Variants in APBB2 observed in about 807,000 individuals in gnomAD.
The protein encoded by APBB2 is Fe65-like 1.
APBB2 carries 38 observed loss-of-function variants against 82.5 expected under a neutral mutation model. The observed-to-expected ratio is 0.46, with a 90% CI of 0.36 to 0.60. The LOEUF (loss-of-function observed/expected upper bound fraction) is 0.60, where lower values mean the gene tolerates loss of function less well. APBB2 is among the 20% of genes least tolerant of loss of function. The probability of loss-of-function intolerance (pLI) is 0.00; values close to 1 mark genes in which losing one functional copy is unlikely to be tolerated. For synonymous variants in APBB2, 341 were observed against 368.2 expected, an observed-to-expected ratio of 0.93 and a Z score of 0.85; for missense variants, 772 against 972.3, an observed-to-expected ratio of 0.79 and a Z score of 2.74.
chr4:40,977,881 A>G (rs1168741185), intron 6 of APBB2, among the ~76,000 whole-genome samples: 2 of 152,346 alleles, frequency 1.3e-5, no homozygotes, highest in South Asian at 2.1e-4. Flanking sequence ...GGAGTTTCAT[A>G]TAAGATAGAA....
intron 6 of APBB2, among the ~76,000 whole-genome samples, chr4:41,008,553 A>T (rs1457990123): frequency 6.6e-6 from 1 of 152,236 alleles, no homozygotes; most frequent in African/African-American, 2.4e-5. Flanking sequence ...AGAAAGTCGT[A>T]ACTCAGAGTC....
chr4:40,936,912 C>T (rs190880070), intron 7 of APBB2, among the ~76,000 whole-genome samples: 1 of 152,124 alleles, frequency 6.6e-6, no homozygotes, highest in Non-Finnish European at 1.5e-5. Context: ...TGTACATGTA[C>T]ATTTTCCTGA....
chr4:40,893,176 T>C, intron 11 of APBB2, 89 bp downstream of exon 11: 1 of 1,518,926 alleles, frequency 6.6e-7, no homozygotes, highest in South Asian at 1.2e-5. Context: ...TCGGAGCCCC[T>C]CAGTACCATG....
rs1446976847 is a variant in APBB2 at position 40,816,004 on chromosome 4, TG to T, written c.*87del. On this transcript the variant is annotated 3_prime_UTR_variant, in exon 18 of 18. Transcript: ENST00000508593. Reference sequence around the variant, plus strand: ...TCTCTGAAGACAAAGCATCAGCAACTGGATGGAAGGTCGGATGGCGGAGTTC... The same window carrying T: ...TCTCTGAAGACAAAGCATCAGCAACTGATGGAAGGTCGGATGGCGGAGTTC... 4 of 1,463,528 alleles carry T rather than the reference TG, an allele frequency of 2.7e-6. No homozygotes were observed. In the East Asian group the frequency reaches 9.1e-5, roughly 33 times the overall value. The allele number at this position is 1,463,528 out of a possible 1,614,324, so 90.7% of individuals were successfully genotyped here.
intron 2 of APBB2, among the ~76,000 whole-genome samples, chr4:41,107,425 AG>A (rs1331362829): frequency 6.6e-6 from 1 of 152,262 alleles, no homozygotes; most frequent in African/African-American, 2.4e-5. Context: ...AAAGGATGCC[AG>A]CTAATAAATA....
At position 41,059,138 on chromosome 4, in the gene APBB2, A is replaced by G. The variant is rs565267755; in HGVS notation, c.-51+6438T>C. 1.1e-3 allele frequency among the ~76,000 whole-genome samples: 161 copies of G among 152,224 alleles called. 1 individual carries two copies. Among genetic ancestry groups the G allele is most frequent in the African/African-American group, 3.7e-3 (155 of 41,534 alleles). ...TATGGCATCCAAATACAGAACACCC[A>G]TGAAGCATCAGGTCCCCAAGCCAAG... On this transcript the variant is annotated intron_variant, in intron 4 of 17. Coordinates refer to ENST00000508593, the MANE Select transcript of APBB2 (RefSeq NM_004307.2).
chr4:40,946,074 A>G (rs1291485630), intron 6 of APBB2, among the ~76,000 whole-genome samples: 1 of 152,082 alleles, frequency 6.6e-6, no homozygotes, highest in Non-Finnish European at 1.5e-5. Flanking sequence ...CTCTACTAAA[A>G]ATGCAAAATT....
Position 40,934,711 on chromosome 4 carries a change from T to C in APBB2, c.1108-12A>G, listed in dbSNP as rs372537411. Reference sequence around the variant, plus strand: ...GCTGCATGCAAATCCTAGAGGAAAATAGAACCTTGTTAATGTACAATGGGG... The same window carrying C: ...GCTGCATGCAAATCCTAGAGGAAAACAGAACCTTGTTAATGTACAATGGGG... On this transcript the variant is annotated splice_polypyrimidine_tract_variant and intron_variant, in intron 8 of 17. Transcript: ENST00000508593. 49 of 1,597,112 alleles carry C rather than the reference T, an allele frequency of 3.1e-5. No homozygotes were observed. The highest frequency in any genetic ancestry group is 2.0e-4 in the East Asian group (9 of 44,810).
At chr4:41,192,104 T>C (rs896904904) in intron 1 of APBB2, among the ~76,000 whole-genome samples, 3 of 152,150 alleles carry the variant, frequency 2.0e-5, no homozygotes, top group Non-Finnish European at 4.4e-5. Context: ...CTCACACCCA[T>C]TAGGAATGCT....
At chr4:40,818,597 C>T (rs1248373084) in intron 17 of APBB2, among the ~76,000 whole-genome samples, 4 of 152,168 alleles carry the variant, frequency 2.6e-5, no homozygotes, top group Admixed American at 2.6e-4. Flanking sequence ...CTCATCAACT[C>T]CCTGTACCTG....
intron 10 of APBB2, among the ~76,000 whole-genome samples, chr4:40,916,706 T>C (rs966416712): frequency 2.6e-5 from 4 of 152,078 alleles, no homozygotes; most frequent in Non-Finnish European, 5.9e-5. Flanking sequence ...CTAGAAACTA[T>C]TCTGAGAGCG....
chr4:41,126,311 G>T (rs1754390676), intron 2 of APBB2, among the ~76,000 whole-genome samples: 1 of 152,074 alleles, frequency 6.6e-6, no homozygotes, highest in Non-Finnish European at 1.5e-5. Context: ...TTGAGACCAG[G>T]AAGTCAAGGC....
intron 2 of APBB2, among the ~76,000 whole-genome samples, chr4:41,120,781 T>C (rs10026868): frequency 0.18 from 27,927 of 152,188 alleles, 2,659 homozygotes; most frequent in African/African-American, 0.22. Context: ...CTTCTGCATA[T>C]TTCTCTTTGC....
chr4:40,972,600 T>C (rs28503273), intron 6 of APBB2, among the ~76,000 whole-genome samples: 39 of 152,302 alleles, frequency 2.6e-4, no homozygotes, highest in Middle Eastern at 3.4e-3. Flanking sequence ...GTTCATTCAA[T>C]GCACATGTGC....
intron 1 of APBB2, among the ~76,000 whole-genome samples, chr4:41,170,050 C>A (rs1767828886): frequency 6.6e-6 from 1 of 151,974 alleles, no homozygotes; most frequent in African/African-American, 2.4e-5. Flanking sequence ...AGGGAATACC[C>A]CCTCTAAATA....
intron 6 of APBB2, among the ~76,000 whole-genome samples, chr4:40,992,378 A>G (rs1270262104): frequency 6.9e-6 from 1 of 145,532 alleles, no homozygotes. Flanking sequence ...GGGTCTTTCT[A>G]TGTTGCCCAT....
intron 3 of APBB2, among the ~76,000 whole-genome samples, chr4:41,072,519 G>GA (rs145483535): frequency 0.075 from 11,468 of 152,244 alleles, 609 homozygotes; most frequent in Non-Finnish European, 0.11. Context: ...GTAAGAGAAC[G>GA]AAACTTAAAA....
intron 6 of APBB2, among the ~76,000 whole-genome samples, chr4:40,947,190 T>C (rs1160031688): frequency 6.6e-6 from 1 of 152,246 alleles, no homozygotes; most frequent in African/African-American, 2.4e-5. Flanking sequence ...CACATAAGGT[T>C]AGATACATAG....
At chr4:41,209,730 ACCT>A (rs1778863233) in intron 1 of APBB2, among the ~76,000 whole-genome samples, 1 of 152,238 alleles carries the variant, frequency 6.6e-6, no homozygotes, top group African/African-American at 2.4e-5. Flanking sequence ...TCTAATCATT[ACCT>A]TATCTGCTAA....
Sources: allele counts gnomAD v4.1 joint callset (sites outside exome capture counted in the v4.1 genomes callset), GRCh38; gene constraint gnomAD v4.1.1; transcripts MANE v1.5; gene names NCBI Gene and HGNC (gene_info 2026-07-23, HGNC 2026-07-21).